PLXDC2: variants seen among roughly 807,000 people sequenced by gnomAD.
PLXDC2 encodes plexin domain containing 2.
A neutral mutation model predicts 68.9 loss-of-function variants in PLXDC2; 40 were observed. The ratio of observed to expected loss-of-function variants is 0.58; its 90% CI spans 0.45 to 0.76. The LOEUF (loss-of-function observed/expected upper bound fraction) is 0.76, where lower values mean the gene tolerates loss of function less well. Ranked by LOEUF, PLXDC2 falls within the 30% of genes least tolerant of loss-of-function variation. The probability of loss-of-function intolerance (pLI) is 0.00; values close to 1 mark genes in which losing one functional copy is unlikely to be tolerated. For missense variants in PLXDC2, 644 were observed against 661.9 expected, an observed-to-expected ratio of 0.97 and a Z score of 0.30; for synonymous variants, 243 against 234.2, an observed-to-expected ratio of 1.04 and a Z score of -0.34.
chr10:20,163,492 A>AT (rs1291223871), intron 6 of PLXDC2, among the ~76,000 whole-genome samples: 35 of 152,104 alleles, frequency 2.3e-4, no homozygotes, highest in African/African-American at 8.2e-4. Flanking sequence ...GCTGTTTATT[A>AT]TGGCTTACAC....
At chr10:20,152,259 T>C (rs1834162421) in intron 6 of PLXDC2, among the ~76,000 whole-genome samples, 1 of 152,146 alleles carries the variant, frequency 6.6e-6, no homozygotes, top group South Asian at 2.1e-4. Flanking sequence ...GAAGTACAAC[T>C]GCTGCTTAAA....
intron 4 of PLXDC2, among the ~76,000 whole-genome samples, chr10:20,116,269 C>T (rs943214361): frequency 7.2e-5 from 11 of 152,118 alleles, no homozygotes; most frequent in African/African-American, 2.2e-4. Context: ...TTTTCCCCCC[C>T]GGAAAACAGT....
At chr10:20,102,761 T>A (rs1833439480) in intron 4 of PLXDC2, among the ~76,000 whole-genome samples, 1 of 152,204 alleles carries the variant, frequency 6.6e-6, no homozygotes, top group Non-Finnish European at 1.5e-5. Flanking sequence ...ACATGTCAGA[T>A]AAGCAGTTAA....
chr10:19,892,503 G>A (rs1434297285), intron 1 of PLXDC2, among the ~76,000 whole-genome samples: 1 of 152,190 alleles, frequency 6.6e-6, no homozygotes, highest in Non-Finnish European at 1.5e-5. Context: ...GACTTCAGAT[G>A]TAAAGTTACG....
chr10:20,127,067 T>C (rs1833802499), intron 4 of PLXDC2, among the ~76,000 whole-genome samples: 1 of 151,926 alleles, frequency 6.6e-6, no homozygotes, highest in South Asian at 2.1e-4. Flanking sequence ...ATTATTGGGA[T>C]ACATTAGATA....
chr10:20,217,310 A>T, intron 10 of PLXDC2, 116 bp from the exon 11 acceptor site: 1 of 877,084 alleles, frequency 1.1e-6, no homozygotes, highest in Non-Finnish European at 1.6e-6. Context: ...AAAGTAATTT[A>T]TTCCTTGTCT....
intron 10 of PLXDC2, among the ~76,000 whole-genome samples, chr10:20,212,383 A>G (rs917044052): frequency 6.6e-6 from 1 of 152,134 alleles, no homozygotes; most frequent in Non-Finnish European, 1.5e-5. Flanking sequence ...AGAGACAAGG[A>G]TGCAGTGAAG....
At chr10:20,163,955 TAATC>T (rs777194515) in intron 6 of PLXDC2, among the ~76,000 whole-genome samples, 24 of 152,192 alleles carry the variant, frequency 1.6e-4, no homozygotes, top group Non-Finnish European at 2.8e-4. Context: ...AATTAGATAT[TAATC>T]AACAATGATA....
intron 9 of PLXDC2, among the ~76,000 whole-genome samples, chr10:20,185,187 A>C (rs1402585509): frequency 3.0e-5 from 4 of 134,898 alleles, no homozygotes; most frequent in Admixed American, 2.2e-4. Context: ...AAAAAAAAAA[A>C]CTATGGGTAT....
intron 1 of PLXDC2, among the ~76,000 whole-genome samples, chr10:19,871,558 A>G (rs1451977724): frequency 6.6e-6 from 1 of 152,100 alleles, no homozygotes; most frequent in African/African-American, 2.4e-5. Context: ...TTTCTTGTCT[A>G]TTTGGCTCCC....
chr10:20,054,776 C>T (rs1835966186), intron 3 of PLXDC2, among the ~76,000 whole-genome samples: 1 of 151,876 alleles, frequency 6.6e-6, no homozygotes, highest in Non-Finnish European at 1.5e-5. Context: ...ATGGGTGCAG[C>T]ACACCAACAT....
intron 3 of PLXDC2, among the ~76,000 whole-genome samples, chr10:20,052,737 A>G (rs1420027124): frequency 1.3e-5 from 2 of 151,098 alleles, no homozygotes; most frequent in Admixed American, 6.6e-5. Flanking sequence ...AAAAAAAAAA[A>G]AAAAGAAAGA....
At chr10:20,048,253 A>G (rs1234596758) in intron 3 of PLXDC2, among the ~76,000 whole-genome samples, 1 of 152,112 alleles carries the variant, frequency 6.6e-6, no homozygotes, top group Non-Finnish European at 1.5e-5. Context: ...CTAAAAGCTA[A>G]ATGGAAATTA....
chr10:20,226,106 C>T (rs1195114625), intron 12 of PLXDC2, among the ~76,000 whole-genome samples: 1 of 152,166 alleles, frequency 6.6e-6, no homozygotes, highest in African/African-American at 2.4e-5. Context: ...CCTATTGGTC[C>T]ATTGGTCCTC....
At chr10:20,265,344 T>G (rs1357884009) in intron 13 of PLXDC2, among the ~76,000 whole-genome samples, 7 of 152,200 alleles carry the variant, frequency 4.6e-5, no homozygotes, top group Non-Finnish European at 8.8e-5. Flanking sequence ...CATGCATACA[T>G]TTTTGCCTTA....
At chr10:20,081,934 A>T (rs140129658) in intron 4 of PLXDC2, among the ~76,000 whole-genome samples, 1 of 151,568 alleles carries the variant, frequency 6.6e-6, no homozygotes, top group African/African-American at 2.4e-5. Flanking sequence ...AGTGCCAGGT[A>T]CTTGGGAGGC....
intron 1 of PLXDC2, among the ~76,000 whole-genome samples, chr10:19,921,810 G>T (rs1383016781): frequency 6.6e-6 from 1 of 152,150 alleles, no homozygotes; most frequent in Non-Finnish European, 1.5e-5. Flanking sequence ...GTGTATTAGG[G>T]CCAGTTGGGA....
chr10:19,841,915 A>C (rs1452892345), intron 1 of PLXDC2, among the ~76,000 whole-genome samples: 1 of 152,148 alleles, frequency 6.6e-6, no homozygotes, highest in African/African-American at 2.4e-5. Flanking sequence ...GTACATTATA[A>C]CATACAAAAA....
At chr10:19,904,219 T>C (rs1389258900) in intron 1 of PLXDC2, among the ~76,000 whole-genome samples, 1 of 152,218 alleles carries the variant, frequency 6.6e-6, no homozygotes. Flanking sequence ...GTGTATAGTT[T>C]AAGTCCCTTG....
Sources: allele counts gnomAD v4.1 joint callset (sites outside exome capture counted in the v4.1 genomes callset), GRCh38; gene constraint gnomAD v4.1.1; transcripts MANE v1.5; gene names NCBI Gene and HGNC (gene_info 2026-07-23, HGNC 2026-07-21).